DOCK2: variants seen among roughly 807,000 people sequenced by gnomAD.
DOCK2 encodes the protein dedicator of cytokinesis protein 2.
A neutral mutation model predicts 248.9 loss-of-function variants in DOCK2; 87 were observed. That is an observed-to-expected ratio of 0.35 (90% CI 0.29 to 0.42). The LOEUF (loss-of-function observed/expected upper bound fraction) is 0.42. Among genes scored for constraint, DOCK2 ranks in the 10% least tolerant of loss-of-function variants. The pLI is 1.00. For missense variants in DOCK2, 1,747 were observed against 2,300.2 expected, an observed-to-expected ratio of 0.76 and a Z score of 4.92; for synonymous variants, 805 against 821.6, an observed-to-expected ratio of 0.98 and a Z score of 0.35.
chr5:169,882,318 A>T (rs750103804), intron 27 of DOCK2, among the ~76,000 whole-genome samples: 1 of 152,182 alleles, frequency 6.6e-6, no homozygotes, highest in Admixed American at 6.5e-5. Flanking sequence ...CCATTCTGTT[A>T]ACACCTGAAA....
Position 169,796,851 on chromosome 5 carries a change from A to C in DOCK2, c.2555-6207A>C, listed in dbSNP as rs552085699. Among the ~76,000 whole-genome samples the C allele has an allele frequency of 8.5e-5, 13 of 152,338 alleles. No homozygotes were observed. In the East Asian group the frequency reaches 2.5e-3, roughly 29 times the overall value. On this transcript the variant is annotated intron_variant, in intron 25 of 51. Transcript: ENST00000520908. The stretch of plus-strand genomic sequence containing the variant: ...GAAGGAGAGAGTTTGTGGTTGGAAC[A>C]GAGAGAGGGAGGTGGAGGAGTGGAA...
At chr5:169,906,177 C>A (rs978186950) in intron 27 of DOCK2, among the ~76,000 whole-genome samples, 8 of 152,168 alleles carry the variant, frequency 5.3e-5, no homozygotes, top group Non-Finnish European at 1.2e-4. Flanking sequence ...ACATGCCAGG[C>A]ATTGTGCCCG....
At chr5:169,893,828 G>A (rs1203732260) in intron 27 of DOCK2, among the ~76,000 whole-genome samples, 1 of 152,154 alleles carries the variant, frequency 6.6e-6, no homozygotes, top group African/African-American at 2.4e-5. Flanking sequence ...TTTTCCACAT[G>A]GGAGAGGGAT....
chr5:169,729,666 G>T (rs1341125162), intron 22 of DOCK2, among the ~76,000 whole-genome samples: 2 of 152,198 alleles, frequency 1.3e-5, no homozygotes, highest in East Asian at 3.8e-4. Context: ...TATACTGGGG[G>T]AGATGGAAAA....
At chr5:169,823,311 C>T (rs1030702467) in intron 26 of DOCK2, among the ~76,000 whole-genome samples, 5 of 152,116 alleles carry the variant, frequency 3.3e-5, no homozygotes, top group Non-Finnish European at 7.4e-5. Context: ...GGCAGAGACA[C>T]AACCAAAAAA....
At chr5:169,852,800 G>C (rs548133026) in intron 27 of DOCK2, among the ~76,000 whole-genome samples, 1 of 152,318 alleles carries the variant, frequency 6.6e-6, no homozygotes, top group South Asian at 2.1e-4. Flanking sequence ...GTGAAGTAAT[G>C]TTCAGCTGTT....
intron 27 of DOCK2, among the ~76,000 whole-genome samples, chr5:169,922,579 G>T (rs113622749): frequency 0.023 from 3,485 of 152,296 alleles, 55 homozygotes; most frequent in Middle Eastern, 0.065. Context: ...TTGAGGATTT[G>T]CAGTTTAGAG....
At position 169,757,946 on chromosome 5, in the gene DOCK2, G is replaced by A. The variant is rs1483127; in HGVS notation, c.2377-1759G>A. On this transcript the variant is annotated intron_variant, in intron 23 of 51. Coordinates refer to ENST00000520908, the MANE Select transcript of DOCK2 (RefSeq NM_004946.3). The stretch of plus-strand genomic sequence containing the variant: ...GGTCAATTAAAGGAAATTGGTTACT[G>A]TATCTTCCAAGGTAATTGACAATCT... Among the ~76,000 whole-genome samples, 1,202 of 152,320 alleles carry A rather than the reference G, an allele frequency of 7.9e-3. 10 individuals carry two copies. The highest frequency in any genetic ancestry group is 0.027 in the African/African-American group (1,130 of 41,554).
rs190444980 is a variant in DOCK2, at chr5:169,755,278, C to T, written c.2377-4427C>T. Among the ~76,000 whole-genome samples the T allele has an allele frequency of 1.1e-3, 172 of 151,976 alleles. 2 individuals are homozygous for T. The highest frequency in any genetic ancestry group is 2.7e-3 in the Admixed American group (41 of 15,282). ...ACTTAAAAACCCTATAATTCATAAT[C>T]GTATTATATGAGTATGTGTGTATAT... is the stretch of plus-strand genomic sequence containing the variant. On this transcript the variant is annotated intron_variant, in intron 23 of 51. Coordinates refer to ENST00000520908, the MANE Select transcript of DOCK2 (RefSeq NM_004946.3).
At chr5:169,916,498 T>G (rs1408929892) in intron 27 of DOCK2, among the ~76,000 whole-genome samples, 3 of 152,208 alleles carry the variant, frequency 2.0e-5, no homozygotes, top group Non-Finnish European at 4.4e-5. Flanking sequence ...ACGCTAGAAT[T>G]GGAACCATGG....
intron 29 of DOCK2, 135 bp from the exon 30 acceptor site, chr5:169,995,951 C>T (rs1386764537): frequency 1.3e-6 from 1 of 793,348 alleles, no homozygotes; most frequent in Non-Finnish European, 2.0e-6. Flanking sequence ...TCTGCATTAG[C>T]TGACCTCTCT....
At chr5:170,063,852 T>C (rs1757409097) in intron 44 of DOCK2, among the ~76,000 whole-genome samples, 1 of 152,102 alleles carries the variant, frequency 6.6e-6, no homozygotes, top group African/African-American at 2.4e-5. Flanking sequence ...TGAACCTGAG[T>C]CTAGGCACTT....
At chr5:169,836,971 C>T (rs1769620934) in intron 26 of DOCK2, among the ~76,000 whole-genome samples, 1 of 152,132 alleles carries the variant, frequency 6.6e-6, no homozygotes, top group African/African-American at 2.4e-5. Flanking sequence ...AGTAGTTTTG[C>T]ACTGCATTCT....
intron 7 of DOCK2, 71 bp from the exon 8 acceptor site, chr5:169,684,125 T>C: frequency 1.3e-6 from 2 of 1,575,328 alleles, no homozygotes; most frequent in Non-Finnish European, 1.7e-6. Flanking sequence ...TCCTTGACTA[T>C]CTCTCTGTTG....
chr5:169,708,313 G>T, intron 15 of DOCK2, 46 bp downstream of exon 15: 1 of 1,563,454 alleles, frequency 6.4e-7, no homozygotes, highest in South Asian at 1.1e-5. Flanking sequence ...TTCTTACCAT[G>T]AACCAGGCAC....
chr5:169,751,562 CA>C (rs1763895070), intron 23 of DOCK2, among the ~76,000 whole-genome samples: 1 of 152,146 alleles, frequency 6.6e-6, no homozygotes, highest in Non-Finnish European at 1.5e-5. Context: ...CTTTTGTGAC[CA>C]ATTTAATTGT....
chr5:169,839,180 A>G (rs910866060), intron 26 of DOCK2, among the ~76,000 whole-genome samples: 1 of 152,218 alleles, frequency 6.6e-6, no homozygotes, highest in Non-Finnish European at 1.5e-5. Flanking sequence ...CCCCATCTCC[A>G]GAGCTAAACA....
chr5:169,840,977 AC>A, intron 27 of DOCK2, 125 bp downstream of exon 27: 1 of 1,079,848 alleles, frequency 9.3e-7, no homozygotes, highest in Non-Finnish European at 1.3e-6. Context: ...GAGTAGGGTG[AC>A]CAGATTTTTC....
At chr5:169,990,849 T>C (rs1254296411) in intron 29 of DOCK2, among the ~76,000 whole-genome samples, 1 of 152,262 alleles carries the variant, frequency 6.6e-6, no homozygotes, top group African/African-American at 2.4e-5. Context: ...TGATACTGCC[T>C]GTGGGCATGG....
Sources: allele counts gnomAD v4.1 joint callset (sites outside exome capture counted in the v4.1 genomes callset), GRCh38; gene constraint gnomAD v4.1.1; transcripts MANE v1.5; gene names NCBI Gene and HGNC (gene_info 2026-07-23, HGNC 2026-07-21).